Variants in TAFA1 observed in about 807,000 individuals in gnomAD.
TAFA1 encodes the protein TAFA chemokine like family member 1.
A neutral mutation model predicts 18.5 loss-of-function variants in TAFA1; 4 were observed. That is an observed-to-expected ratio of 0.22 (90% CI 0.11 to 0.49). The LOEUF is 0.49. Ranked by LOEUF, TAFA1 falls within the 20% of genes least tolerant of loss-of-function variation. The pLI is 0.98. For missense variants in TAFA1, 147 were observed against 169.0 expected (o/e 0.87, Z 0.72); for synonymous variants, 56 against 55.2 (o/e 1.01, Z -0.06).
At chr3:68,030,407 T>C (rs1704907027) in intron 2 of TAFA1, among the ~76,000 whole-genome samples, 1 of 152,084 alleles carries the variant, frequency 6.6e-6, no homozygotes, top group African/African-American at 2.4e-5. Context: ...AATGCTATCC[T>C]TCCCCTAACC....
chr3:68,231,825 G>A (rs79096902), intron 2 of TAFA1, among the ~76,000 whole-genome samples: 2,091 of 152,144 alleles, frequency 0.014, 53 homozygotes, highest in African/African-American at 0.047. Context: ...AAGGTTCCTC[G>A]TGCCCTTTTG....
chr3:68,065,911 GC>G (rs995101799), intron 2 of TAFA1, among the ~76,000 whole-genome samples: 1 of 151,934 alleles, frequency 6.6e-6, no homozygotes, highest in African/African-American at 2.4e-5. Context: ...AGGATGCTCA[GC>G]AATAAAAACT....
In TAFA1 at chr3:68,457,165, T is replaced by C. The variant is rs142109288; in HGVS notation, c.259+39745T>C. Among the ~76,000 whole-genome samples the C allele has an allele frequency of 2.2e-4, 34 of 152,362 alleles. No individual in the cohort carries two copies. In the East Asian group the frequency reaches 5.6e-3, roughly 25 times the overall value. The stretch of plus-strand genomic sequence containing the variant: ...AACTGTAGGGGGCTACAAAATTACA[T>C]GGTAGTATACTATGTGCTACAGTTA... On this transcript the variant is annotated intron_variant, in intron 3 of 4. Coordinates refer to ENST00000478136, the MANE Select transcript of TAFA1 (RefSeq NM_213609.4).
intron 2 of TAFA1, among the ~76,000 whole-genome samples, chr3:68,092,163 C>T (rs2065037341): frequency 6.6e-6 from 1 of 152,138 alleles, no homozygotes; most frequent in African/African-American, 2.4e-5. Flanking sequence ...ATAAACCCAA[C>T]ATTGTTCAAA....
At chr3:68,304,485 T>C (rs1455050046) in intron 2 of TAFA1, among the ~76,000 whole-genome samples, 1 of 152,220 alleles carries the variant, frequency 6.6e-6, no homozygotes, top group Non-Finnish European at 1.5e-5. Flanking sequence ...TGTATCATGT[T>C]CTATGCCCAC....
intron 2 of TAFA1, among the ~76,000 whole-genome samples, chr3:68,130,881 G>A (rs2065527908): frequency 6.6e-6 from 1 of 152,108 alleles, no homozygotes; most frequent in South Asian, 2.1e-4. Flanking sequence ...TCCCTGGCTA[G>A]AGTCTTCTTA....
chr3:68,381,860 G>A (rs979193663), intron 2 of TAFA1, among the ~76,000 whole-genome samples: 6 of 152,130 alleles, frequency 3.9e-5, no homozygotes, highest in Admixed American at 2.6e-4. Flanking sequence ...GTTTTCAAAG[G>A]GAATGCTTCC....
intron 2 of TAFA1, among the ~76,000 whole-genome samples, chr3:68,376,665 T>A (rs893419206): frequency 9.9e-5 from 15 of 152,152 alleles, no homozygotes; most frequent in African/African-American, 3.6e-4. Flanking sequence ...ATGAGGGGCA[T>A]TTAAGTTGAT....
intron 2 of TAFA1, among the ~76,000 whole-genome samples, chr3:68,126,127 G>T (rs1034319551): frequency 3.3e-5 from 5 of 152,060 alleles, no homozygotes; most frequent in Admixed American, 3.3e-4. Flanking sequence ...TGATTTCTGG[G>T]GACCCAAAGT....
At chr3:68,455,929 T>C (rs2071655616) in intron 3 of TAFA1, among the ~76,000 whole-genome samples, 1 of 152,184 alleles carries the variant, frequency 6.6e-6, no homozygotes, top group African/African-American at 2.4e-5. Context: ...AGGAGCCTTT[T>C]AAAGGTCCTT....
chr3:68,325,977 C>A (rs982889365), intron 2 of TAFA1, among the ~76,000 whole-genome samples: 1 of 152,140 alleles, frequency 6.6e-6, no homozygotes, highest in Non-Finnish European at 1.5e-5. Flanking sequence ...ACACAAGGGA[C>A]TCATTACAGG....
At position 68,183,995 on chromosome 3, in the gene TAFA1, C is replaced by T. The variant is rs144863599; in HGVS notation, c.118+177251C>T. Among the ~76,000 whole-genome samples the T allele has an allele frequency of 5.9e-5, 9 of 152,204 alleles. No individual in the cohort carries two copies. The East Asian group carries it at 9.7e-4, about 16-fold the overall frequency. On this transcript the variant is annotated intron_variant, in intron 2 of 4. Transcript: ENST00000478136. ...TTCAAAAAGATATTCCCCTTCATTACGATTTAATGTAATTGTTCCTAATCT... is the reference window on the plus strand; with the variant it reads ...TTCAAAAAGATATTCCCCTTCATTATGATTTAATGTAATTGTTCCTAATCT...
intron 3 of TAFA1, among the ~76,000 whole-genome samples, chr3:68,476,484 T>A (rs2072099138): frequency 6.6e-6 from 1 of 152,244 alleles, no homozygotes; most frequent in Non-Finnish European, 1.5e-5. Context: ...AATTCCAGTT[T>A]AACCACCTGA....
At chr3:68,478,443 T>A (rs1346700879) in intron 3 of TAFA1, among the ~76,000 whole-genome samples, 1 of 152,212 alleles carries the variant, frequency 6.6e-6, no homozygotes, top group East Asian at 1.9e-4. Flanking sequence ...AAAATTACTT[T>A]CAGTAAGGCT....
intron 2 of TAFA1, among the ~76,000 whole-genome samples, chr3:68,291,873 G>C (rs1228487819): frequency 6.6e-6 from 1 of 152,060 alleles, no homozygotes; most frequent in East Asian, 1.9e-4. Flanking sequence ...GAAATGCTTT[G>C]TCCTGTCTTT....
At chr3:68,089,639 T>C (rs2065009334) in intron 2 of TAFA1, among the ~76,000 whole-genome samples, 1 of 152,194 alleles carries the variant, frequency 6.6e-6, no homozygotes, top group Non-Finnish European at 1.5e-5. Flanking sequence ...AATATTATCA[T>C]GGTTGACTCT....
chr3:68,048,039 T>G (rs1367211881), intron 2 of TAFA1, among the ~76,000 whole-genome samples: 1 of 152,118 alleles, frequency 6.6e-6, no homozygotes, highest in South Asian at 2.1e-4. Context: ...ACCCAGAGCC[T>G]AGACATCATG....
chr3:68,304,450 C>A (rs183674714), intron 2 of TAFA1, among the ~76,000 whole-genome samples: 84 of 152,254 alleles, frequency 5.5e-4, no homozygotes, highest in African/African-American at 1.9e-3. Flanking sequence ...TCTAAATAAT[C>A]TGAATGAGGG....
At chr3:68,240,532 G>A (rs911082425) in intron 2 of TAFA1, among the ~76,000 whole-genome samples, 1 of 152,120 alleles carries the variant, frequency 6.6e-6, no homozygotes, top group Admixed American at 6.6e-5. Flanking sequence ...ATAGAGAGAA[G>A]GAGCACCATG....
Sources: allele counts gnomAD v4.1 joint callset (sites outside exome capture counted in the v4.1 genomes callset), GRCh38; gene constraint gnomAD v4.1.1; transcripts MANE v1.5; gene names NCBI Gene and HGNC (gene_info 2026-07-23, HGNC 2026-07-21).